The following DMD variants were observed in gnomAD, a reference collection of about 807,000 sequenced individuals.
DMD encodes mutant dystrophin.
DMD carries 63 observed loss-of-function variants against 330.1 expected under a neutral mutation model. That is an observed-to-expected ratio of 0.19 (90% CI 0.16 to 0.24). The LOEUF (loss-of-function observed/expected upper bound fraction) is 0.24. Among genes scored for constraint, DMD ranks in the 10% least tolerant of loss-of-function variants. The pLI, the probability that DMD is intolerant of heterozygous loss-of-function variation, is 1.00. For missense variants in DMD, 3,344 were observed against 2,684.1 expected (o/e 1.25, Z -5.43); for synonymous variants, 1,223 against 959.8 (o/e 1.27, Z -5.07).
intron 1 of DMD, among the ~76,000 whole-genome samples, chrX:33,233,540 A>G (rs2052425376): frequency 8.9e-6 from 1 of 112,780 alleles, no homozygotes; most frequent in African/African-American, 3.2e-5. Context: ...GAAAAAAGCT[A>G]GTTCGAAAGG....
At chrX:32,216,870 G>A (rs773179624) in intron 44 of DMD, 46 bp downstream of exon 44, 11 of 1,132,781 alleles carry the variant, frequency 9.7e-6, no homozygotes, top group African/African-American at 5.4e-5. Context: ...GAGTCCAGAT[G>A]TGCTGAAGAT....
At chrX:31,148,259 A>G (rs1259571856) in intron 74 of DMD, among the ~76,000 whole-genome samples, 1 of 112,350 alleles carries the variant, frequency 8.9e-6, no homozygotes, top group Non-Finnish European at 1.9e-5. Flanking sequence ...CAATCTAATA[A>G]CATTATTTTG....
chrX:31,972,459 A>G (rs1442657196), intron 44 of DMD, among the ~76,000 whole-genome samples: 1 of 112,015 alleles, frequency 8.9e-6, no homozygotes, highest in Non-Finnish European at 1.9e-5. Context: ...ACAATAGATG[A>G]AAAATAGAAT....
intron 1 of DMD, among the ~76,000 whole-genome samples, chrX:33,033,764 T>A: frequency 9.0e-6 from 1 of 110,775 alleles, no homozygotes; most frequent in Non-Finnish European, 1.9e-5. Flanking sequence ...CACTTAGGTA[T>A]CACTGAGTTG....
At chrX:33,060,421 A>G (rs2094568388) in intron 1 of DMD, among the ~76,000 whole-genome samples, 1 of 111,716 alleles carries the variant, frequency 9.0e-6, no homozygotes, top group African/African-American at 3.3e-5. Context: ...AGACTGGGCT[A>G]TGAGAAGGTT....
chrX:32,759,896 C>A (rs2072037251), intron 7 of DMD, among the ~76,000 whole-genome samples: 1 of 101,104 alleles, frequency 9.9e-6, no homozygotes, highest in Non-Finnish European at 2.0e-5. Context: ...TGATACATTT[C>A]TTCAGGATTC....
chrX:32,672,829 T>G (rs955655236), intron 9 of DMD, among the ~76,000 whole-genome samples: 5 of 109,374 alleles, frequency 4.6e-5, no homozygotes, highest in African/African-American at 1.7e-4. Context: ...AACGGAAGAG[T>G]GAAGAGCCAA....
chrX:31,306,407 T>C (rs1384408561), intron 62 of DMD, among the ~76,000 whole-genome samples: 2 of 111,551 alleles, frequency 1.8e-5, no homozygotes, highest in African/African-American at 6.5e-5. Flanking sequence ...TTTACATCTT[T>C]GGACTCTCAT....
chrX:31,816,714 C>T (rs1364575508), intron 50 of DMD, among the ~76,000 whole-genome samples: 1 of 107,164 alleles, frequency 9.3e-6, no homozygotes, highest in East Asian at 3.0e-4. Flanking sequence ...AGGAGAATCG[C>T]TTGAACCTGA....
intron 2 of DMD, among the ~76,000 whole-genome samples, chrX:32,980,345 G>T (rs1212804787): frequency 1.1e-5 from 1 of 88,066 alleles, no homozygotes; most frequent in Non-Finnish European, 2.2e-5. Flanking sequence ...CTCCTGCTTG[G>T]GCGACAGAGC....
chrX:32,217,022 T>C lies in DMD; in HGVS notation c.6332A>G (p.Tyr2111Cys). ...RSVEKWRRFH[Y>C]DIKIFNQWLT... is the part of the protein sequence containing the mutation. ...CCACTGATTAAATATCTTTATATCA[T>C]AATGAAAACGCCGCCATTTCTCAAC... The change falls in exon 44 of 79, where the codon TAT becomes TGT. Residue 2111 changes from tyrosine to cysteine, a missense_variant. Coordinates refer to ENST00000357033, the MANE Select transcript of DMD (RefSeq NM_004006.3). 5 of 1,209,418 alleles carry C rather than the reference T, an allele frequency of 4.1e-6. No homozygotes were observed. Among genetic ancestry groups the C allele is most frequent in the Non-Finnish European group, 5.6e-6 (5 of 893,855 alleles).
At chrX:33,008,830 A>G (rs767071339) in intron 2 of DMD, among the ~76,000 whole-genome samples, 7,210 of 55,072 alleles carry the variant, frequency 0.13, 833 homozygotes, top group African/African-American at 0.19. Context: ...ATGTATACGT[A>G]TATATATACA....
At chrX:32,331,520 C>G (rs1245687279) in intron 41 of DMD, among the ~76,000 whole-genome samples, 2 of 111,020 alleles carry the variant, frequency 1.8e-5, no homozygotes, top group African/African-American at 6.5e-5. Flanking sequence ...GTCAATATTT[C>G]CTGAAGAATG....
intron 44 of DMD, among the ~76,000 whole-genome samples, chrX:32,105,671 G>T (rs893663970): frequency 9.0e-6 from 1 of 111,663 alleles, no homozygotes; most frequent in African/African-American, 3.2e-5. Context: ...GTCACACAAA[G>T]CTCAGTTCCT....
At chrX:32,020,607 G>A (rs1265445318) in intron 44 of DMD, among the ~76,000 whole-genome samples, 1 of 111,736 alleles carries the variant, frequency 8.9e-6, no homozygotes, top group Non-Finnish European at 1.9e-5. Flanking sequence ...AGGAGAAGGC[G>A]GCTATCTGCA....
chrX:31,866,904 C>T (rs2093807623), intron 48 of DMD, among the ~76,000 whole-genome samples: 1 of 111,108 alleles, frequency 9.0e-6, no homozygotes, highest in Non-Finnish European at 1.9e-5. Context: ...TGTTAATAGC[C>T]AATGCTGGCT....
At chrX:32,193,021 C>T (rs1050147515) in intron 44 of DMD, among the ~76,000 whole-genome samples, 1 of 111,559 alleles carries the variant, frequency 9.0e-6, no homozygotes, top group Non-Finnish European at 1.9e-5. Context: ...CCTCTTGGTG[C>T]CATCCTCATG....
chrX:31,134,081 C>CT (rs777170445), intron 77 of DMD, 21 bp downstream of exon 77: 2 of 1,194,164 alleles, frequency 1.7e-6, no homozygotes, highest in African/African-American at 3.5e-5. Context: ...ATCTGAGTCC[C>CT]TTCTAGGTAT....
At chrX:32,461,207 G>A (rs2098382242) in intron 25 of DMD, among the ~76,000 whole-genome samples, 1 of 111,678 alleles carries the variant, frequency 9.0e-6, no homozygotes, top group Non-Finnish European at 1.9e-5. Flanking sequence ...TATTTTGTCT[G>A]TAGATATTTC....
Sources: gnomAD v4.1 joint callset for allele counts (sites outside exome capture counted in the v4.1 genomes callset) on GRCh38, gnomAD v4.1.1 for gene constraint, MANE v1.5 for transcripts, NCBI Gene and HGNC (gene_info 2026-07-23, HGNC 2026-07-21) for gene names.